The following DYNC2H1 variants were observed in gnomAD, a reference collection of about 807,000 sequenced individuals.
The protein encoded by DYNC2H1 is dynein cytoplasmic 2 heavy chain 1.
In DYNC2H1, 410 loss-of-function variants were observed where a neutral mutation model predicts 570.0. That is an observed-to-expected ratio of 0.72 (90% CI 0.66 to 0.78). The LOEUF is 0.78. DYNC2H1 is among the 30% of genes least tolerant of loss of function. The probability of loss-of-function intolerance (pLI) is 0.00; values close to 1 mark genes in which losing one functional copy is unlikely to be tolerated. For synonymous variants in DYNC2H1, 1,688 were observed against 1,677.6 expected, an observed-to-expected ratio of 1.01 and a Z score of -0.15; for missense variants, 4,865 against 5,046.4, an observed-to-expected ratio of 0.96 and a Z score of 1.09.
chr11:103,308,413 C>G (rs1292619124), intron 78 of DYNC2H1, among the ~76,000 whole-genome samples: 1 of 152,162 alleles, frequency 6.6e-6, no homozygotes, highest in East Asian at 1.9e-4. Context: ...CATCAGTGGA[C>G]ATTTAGGTCT....
chr11:103,188,635 C>G lies in DYNC2H1; in HGVS notation c.7279C>G (p.Leu2427Val). ...TACCAGATTTACTTCCATCGTTCGTCTTTGTTCTATAGAGTATGTATCTTT... is the reference window on the plus strand; with the variant it reads ...TACCAGATTTACTTCCATCGTTCGTGTTTGTTCTATAGAGTATGTATCTTT... The part of the protein sequence containing the change: ...LTTRFTSIVR[L>V]CSIDYPEREQ... Residue 2427 changes from leucine to valine, a missense_variant, in exon 44 of 89, where the codon CTT becomes GTT. Transcript: ENST00000375735. 1 of 1,606,226 alleles carries G rather than the reference C, an allele frequency of 6.2e-7. No individual in the cohort carries two copies. Among genetic ancestry groups the G allele is most frequent in the Non-Finnish European group, 8.5e-7 (1 of 1,175,550 alleles).
rs759435864 is a variant in DYNC2H1 at position 103,165,934 on chromosome 11, G to A, written c.4648G>A (p.Asp1550Asn). 9 of 1,510,738 alleles carry A rather than the reference G, an allele frequency of 6.0e-6. No individual in the cohort carries two copies. Among genetic ancestry groups the A allele is most frequent in the East Asian group, 5.2e-5 (2 of 38,592 alleles). The allele number at this position is 1,510,738 out of a possible 1,614,324, so 93.6% of individuals were successfully genotyped here. A position where few individuals can be genotyped will look rare whatever the true frequency, so the allele number is the denominator to read the frequency against. Residue 1550 changes from aspartate (D) to asparagine (N), a missense_variant, in exon 31 of 89, where the codon GAT (aspartate) becomes AAT (asparagine). Asp to Asn is a conservative substitution (Grantham distance 23). This residue lies in a region of DYNC2H1 where 1,936 missense variants were observed against 1,962.1 expected (regional missense o/e 0.99). Coordinates refer to ENST00000375735, the MANE Select transcript of DYNC2H1 (RefSeq NM_001377.3). Reference sequence around the variant, plus strand: ...GGCGGAGCAGATTAAATTCACTGAAGATGTAGAAAATGCTATTAAAGATCA... The same window carrying A: ...GGCGGAGCAGATTAAATTCACTGAAAATGTAGAAAATGCTATTAAAGATCA... ...CLAEQIKFTE[D>N]VENAIKDHSL...
intron 88 of DYNC2H1, among the ~76,000 whole-genome samples, chr11:103,475,299 C>T (rs1255714991): frequency 6.6e-6 from 1 of 152,106 alleles, no homozygotes; most frequent in East Asian, 1.9e-4. Context: ...ATCTCCTTTT[C>T]TGCATTAATT....
chr11:103,175,256 C>T (rs1318613950), intron 36 of DYNC2H1, among the ~76,000 whole-genome samples: 2 of 152,288 alleles, frequency 1.3e-5, no homozygotes, highest in African/African-American at 4.8e-5. Context: ...GAAATTACCT[C>T]TTTGGACTTT....
chr11:103,137,784 G>A (rs989156929), intron 17 of DYNC2H1, among the ~76,000 whole-genome samples: 14 of 151,980 alleles, frequency 9.2e-5, no homozygotes, highest in African/African-American at 3.4e-4. Context: ...GTAGCTTGAT[G>A]GGGATGGCAT....
At chr11:103,354,952 T>A (rs1052760035) in intron 82 of DYNC2H1, among the ~76,000 whole-genome samples, 10 of 152,096 alleles carry the variant, frequency 6.6e-5, no homozygotes, top group Non-Finnish European at 1.5e-4. Flanking sequence ...GAAGGTTTCT[T>A]TTTAAAAATT....
chr11:103,282,260 C>G (rs1866172012), intron 72 of DYNC2H1, 31 bp downstream of exon 72: 4 of 1,597,804 alleles, frequency 2.5e-6, no homozygotes, highest in African/African-American at 2.7e-5. Context: ...CTATTTTGCT[C>G]TTAAAGAAAA....
intron 83 of DYNC2H1, among the ~76,000 whole-genome samples, chr11:103,362,206 C>T (rs975846512): frequency 7.9e-5 from 12 of 151,476 alleles, no homozygotes; most frequent in African/African-American, 2.9e-4. Flanking sequence ...GTTGAAGATG[C>T]TGAAAAATCG....
intron 84 of DYNC2H1, among the ~76,000 whole-genome samples, chr11:103,422,048 A>G (rs917886061): frequency 9.2e-5 from 14 of 152,198 alleles, no homozygotes; most frequent in African/African-American, 3.4e-4. Flanking sequence ...CAACTATCAC[A>G]GAATACTATA....
intron 54 of DYNC2H1, among the ~76,000 whole-genome samples, chr11:103,213,472 T>C (rs905618638): frequency 6.6e-6 from 1 of 152,162 alleles, no homozygotes; most frequent in African/African-American, 2.4e-5. Context: ...TTAAGTCTTA[T>C]GGATTTATTT....
At chr11:103,421,294 C>T (rs969691424) in intron 84 of DYNC2H1, among the ~76,000 whole-genome samples, 10 of 151,936 alleles carry the variant, frequency 6.6e-5, no homozygotes, top group Admixed American at 3.3e-4. Context: ...ATTAGACCAT[C>T]GAGGTAGAAA....
chr11:103,436,737 T>A (rs534409949), intron 85 of DYNC2H1, among the ~76,000 whole-genome samples: 10 of 152,252 alleles, frequency 6.6e-5, no homozygotes, highest in Admixed American at 2.0e-4. Flanking sequence ...AGCATACATG[T>A]TATTCTTTGA....
At chr11:103,393,239 A>T (rs1249595445) in intron 83 of DYNC2H1, among the ~76,000 whole-genome samples, 1 of 152,208 alleles carries the variant, frequency 6.6e-6, no homozygotes, top group Non-Finnish European at 1.5e-5. Context: ...CCTGACACAT[A>T]GTCAGTACTC....
chr11:103,285,029 A>G (rs1020689552), intron 73 of DYNC2H1, among the ~76,000 whole-genome samples: 9 of 152,382 alleles, frequency 5.9e-5, no homozygotes, highest in African/African-American at 2.2e-4. Context: ...GAGGGTTAGA[A>G]CATTTAGAGA....
In DYNC2H1 at chr11:103,253,313, CA is replaced by C; in HGVS notation, c.10075del (p.Ile3359LeufsTer46). The C allele has an allele frequency of 6.2e-7, 1 of 1,612,944 alleles. No individual in the cohort carries two copies. On this transcript the variant is annotated frameshift_variant, in exon 66 of 89. Transcript: ENST00000375735. LOFTEE classifies it high-confidence loss of function. Reference sequence around the variant, plus strand: ...CACGTTATGTGGTACAAATAGGTGACAAAATTATTGACTACAATGAAGAATT... The same window carrying C: ...CACGTTATGTGGTACAAATAGGTGACAAATTATTGACTACAATGAAGAATT... The part of the protein sequence containing the change: ...GPRYVVQIGD[K>X]IIDYNEEFRL...
intron 75 of DYNC2H1, among the ~76,000 whole-genome samples, chr11:103,296,764 AT>A (rs1262057062): frequency 1.3e-5 from 2 of 150,944 alleles, no homozygotes; most frequent in Non-Finnish European, 3.0e-5. Flanking sequence ...ATACAAATAT[AT>A]TTTACTATCT....
At position 103,223,041 on chromosome 11, in the gene DYNC2H1, T is replaced by G. The variant is rs1347850091; in HGVS notation, c.9308T>G (p.Leu3103Trp). The part of the protein sequence containing the change: ...VKANIQYSHV[L>W]ERIHPLETEQ... ...GCCAATATTCAGTATTCCCATGTCT[T>G]GGAACGAATTCATCCTTTGGAAACT... The change falls in exon 59 of 89, where the codon TTG (leucine) becomes TGG (tryptophan). Residue 3103 changes from leucine to tryptophan, a missense_variant. By Grantham distance (61) the Leu-to-Trp change is moderately conservative. Coordinates refer to ENST00000375735, the MANE Select transcript of DYNC2H1 (RefSeq NM_001377.3). The G allele has an allele frequency of 6.2e-7, 1 of 1,613,376 alleles. No individual in the cohort carries two copies. Among genetic ancestry groups the G allele is most frequent in the South Asian group, 1.1e-5 (1 of 91,048 alleles).
chr11:103,118,048 G>C (rs949735989), intron 6 of DYNC2H1, among the ~76,000 whole-genome samples, 185 bp downstream of exon 6: 3 of 152,082 alleles, frequency 2.0e-5, no homozygotes, highest in Admixed American at 2.0e-4. Context: ...TGTGAGACTG[G>C]TCAACTTGAT....
chr11:103,347,836 C>G (rs929899653), intron 82 of DYNC2H1, among the ~76,000 whole-genome samples: 1 of 151,958 alleles, frequency 6.6e-6, no homozygotes, highest in African/African-American at 2.4e-5. Flanking sequence ...CTTTTCAAGT[C>G]CCCCTCACAG....
Sources: gnomAD v4.1 joint callset for allele counts (sites outside exome capture counted in the v4.1 genomes callset) on GRCh38, gnomAD v4.1.1 for gene constraint, gnomAD v4.1.1 regional missense constraint, MANE v1.5 for transcripts, NCBI Gene and HGNC (gene_info 2026-07-23, HGNC 2026-07-21) for gene names.